The following ZFHX3 variants were observed in gnomAD, a reference collection of about 807,000 sequenced individuals.
The protein encoded by ZFHX3 is zinc finger homeobox 3, also known as zinc finger homeobox protein 3.
A neutral mutation model predicts 279.1 loss-of-function variants in ZFHX3; 42 were observed. The observed-to-expected ratio is 0.15, with a 90% confidence interval of 0.12 to 0.19. ZFHX3 has a LOEUF of 0.19. ZFHX3 is among the 10% of genes least tolerant of loss of function. The pLI is 1.00. For synonymous variants in ZFHX3, 2,293 were observed against 1,957.8 expected (o/e 1.17, Z -4.52); for missense variants, 4,981 against 4,754.0 (o/e 1.05, Z -1.40).
intron 3 of ZFHX3, among the ~76,000 whole-genome samples, chr16:73,336,136 A>T (rs2015907663): frequency 6.6e-6 from 1 of 152,176 alleles, no homozygotes; most frequent in African/African-American, 2.4e-5. Flanking sequence ...CAGGCAGTGG[A>T]AGGTGGTGGA....
intron 3 of ZFHX3, among the ~76,000 whole-genome samples, chr16:73,338,373 G>A (rs1447649783): frequency 2.0e-5 from 3 of 152,152 alleles, no homozygotes; most frequent in African/African-American, 4.8e-5. Flanking sequence ...TGGGCACATC[G>A]TAGGGCCTTG....
chr16:73,172,037 C>G (rs1445949993), intron 5 of ZFHX3, among the ~76,000 whole-genome samples: 1 of 152,188 alleles, frequency 6.6e-6, no homozygotes, highest in Non-Finnish European at 1.5e-5. Context: ...GACTGCAGAC[C>G]GGGTCCTGCC....
chr16:73,352,881 G>T (rs1293477665), intron 3 of ZFHX3, among the ~76,000 whole-genome samples: 1 of 152,148 alleles, frequency 6.6e-6, no homozygotes, highest in Non-Finnish European at 1.5e-5. Flanking sequence ...AATCAGCCGT[G>T]CTATCCAGCC....
At chr16:73,551,121 A>G (rs1337666614) in intron 2 of ZFHX3, among the ~76,000 whole-genome samples, 2 of 152,270 alleles carry the variant, frequency 1.3e-5, no homozygotes, top group Non-Finnish European at 2.9e-5. Context: ...TCCCACCAGC[A>G]AAACGGCCTC....
chr16:73,194,063 T>C (rs896429345), intron 5 of ZFHX3, among the ~76,000 whole-genome samples: 4 of 152,236 alleles, frequency 2.6e-5, no homozygotes, highest in Admixed American at 6.5e-5. Context: ...TTATGAACTT[T>C]CTCTGCTGAA....
At chr16:72,822,795 G>GTTTTT (rs11365314) in intron 5 of ZFHX3, among the ~76,000 whole-genome samples, 4 of 90,440 alleles carry the variant, frequency 4.4e-5, no homozygotes, top group East Asian at 3.2e-4. Context: ...TAGAAAGTGA[G>GTTTTT]TTTTTTTTTT....
At chr16:72,933,522 G>C (rs542253491) in intron 3 of ZFHX3, among the ~76,000 whole-genome samples, 104 of 151,990 alleles carry the variant, frequency 6.8e-4, no homozygotes, top group Non-Finnish European at 1.3e-3. Flanking sequence ...CCACCACCCA[G>C]CTGCTGAAAT....
chr16:73,805,286 A>G (rs1960248533), intron 1 of ZFHX3, among the ~76,000 whole-genome samples: 1 of 152,112 alleles, frequency 6.6e-6, no homozygotes, highest in Non-Finnish European at 1.5e-5. Flanking sequence ...CTCCTGCCTC[A>G]GCCTCCTAAG....
chr16:73,559,154 C>A (rs571325992), intron 2 of ZFHX3, among the ~76,000 whole-genome samples: 2 of 151,712 alleles, frequency 1.3e-5, no homozygotes, highest in East Asian at 3.9e-4. Flanking sequence ...CTCAAGCTAT[C>A]CTCCCACCTC....
intron 1 of ZFHX3, among the ~76,000 whole-genome samples, chr16:73,799,305 A>G (rs1297964083): frequency 2.6e-5 from 4 of 152,264 alleles, no homozygotes; most frequent in East Asian, 3.8e-4. Flanking sequence ...GGAAGATGCT[A>G]TATGAGTGTA....
In ZFHX3 at chr16:73,748,025, T is replaced by C. The variant is rs554870911; in HGVS notation, c.-1607-67785A>G. On this transcript the variant is annotated intron_variant, in intron 1 of 17. Coordinates refer to the ZFHX3 transcript ENST00000641206. ...ATTTCTGCCCTTTGTTTACAAATACTTTCAATAAAAGCAAAAGATGTTGGG... is the reference window on the plus strand; with the variant it reads ...ATTTCTGCCCTTTGTTTACAAATACCTTCAATAAAAGCAAAAGATGTTGGG... Among the ~76,000 whole-genome samples the C allele has an allele frequency of 1.9e-4, 29 of 152,314 alleles. No individual in the cohort carries two copies. The South Asian group carries it at 3.5e-3, about 18-fold the overall frequency.
At chr16:73,676,141 A>G (rs1250381583) in intron 2 of ZFHX3, among the ~76,000 whole-genome samples, 1 of 152,150 alleles carries the variant, frequency 6.6e-6, no homozygotes, top group Non-Finnish European at 1.5e-5. Flanking sequence ...CCAATTAAAC[A>G]TAACAATAAC....
rs1171735580 is a variant in ZFHX3 at position 72,788,298 on chromosome 16, G to T, written c.9978C>A (p.Ala3326=). The T allele has an allele frequency of 6.2e-7, 1 of 1,614,068 alleles. No homozygotes were observed. Among genetic ancestry groups the T allele is most frequent in the Non-Finnish European group, 8.5e-7 (1 of 1,180,044 alleles). Residue 3326 remains alanine (A), a synonymous_variant, in exon 10 of 10, where the codon GCC becomes GCA. Transcript: ENST00000268489. The part of the protein sequence containing the change: ...SPYYAPQIPG[A]LQSGYLQPMY... ...TAGGCTGCAGGTACCCGCTCTGCAGGGCGCCAGGGATCTGGGGAGCATAAT... is the reference window on the plus strand; with the variant it reads ...TAGGCTGCAGGTACCCGCTCTGCAGTGCGCCAGGGATCTGGGGAGCATAAT...
intron 1 of ZFHX3, among the ~76,000 whole-genome samples, chr16:73,840,545 A>G (rs1254395444): frequency 6.6e-6 from 1 of 152,190 alleles, no homozygotes; most frequent in African/African-American, 2.4e-5. Context: ...AGAACCTTCT[A>G]GTACCATGGT....
intron 3 of ZFHX3, among the ~76,000 whole-genome samples, chr16:72,910,794 TA>T: frequency 6.6e-6 from 1 of 152,094 alleles, no homozygotes; most frequent in East Asian, 1.9e-4. Flanking sequence ...CTTTAGACAT[TA>T]AAAAACAAAA....
At chr16:73,307,140 C>T (rs1243896428) in intron 4 of ZFHX3, among the ~76,000 whole-genome samples, 1 of 152,200 alleles carries the variant, frequency 6.6e-6, no homozygotes, top group East Asian at 1.9e-4. Context: ...TCATACATCC[C>T]AACATGTTTA....
At chr16:73,753,986 A>ATGTGTCTGTGTGTG (rs1555499746) in intron 1 of ZFHX3, among the ~76,000 whole-genome samples, 1 of 147,324 alleles carries the variant, frequency 6.8e-6, no homozygotes. Flanking sequence ...GTAAGAATCA[A>ATGTGTCTGTGTGTG]TGTGTGTGTG....
chr16:73,807,620 ATTTTTTTTTTTTT>A (rs55806545), intron 1 of ZFHX3, among the ~76,000 whole-genome samples: 38 of 70,584 alleles, frequency 5.4e-4, no homozygotes, highest in Non-Finnish European at 6.6e-4. Context: ...CCATGCCCCA[ATTTTTTTTTTTTT>A]TTTTTTTTTT....
chr16:73,677,484 A>G (rs554887392), intron 2 of ZFHX3, among the ~76,000 whole-genome samples: 1 of 152,062 alleles, frequency 6.6e-6, no homozygotes, highest in East Asian at 1.9e-4. Flanking sequence ...AAAAGCTAGT[A>G]GGAAAACAGA....
Sources: allele counts gnomAD v4.1 joint callset (sites outside exome capture counted in the v4.1 genomes callset), GRCh38; gene constraint gnomAD v4.1.1; transcripts MANE v1.5; gene names NCBI Gene and HGNC (gene_info 2026-07-23, HGNC 2026-07-21).